HIF1A: variants seen among roughly 807,000 people sequenced by gnomAD.
HIF1A encodes hypoxia inducible factor 1 subunit alpha.
A neutral mutation model predicts 92.7 loss-of-function variants in HIF1A; 24 were observed. That is an observed-to-expected ratio of 0.26 (90% CI 0.19 to 0.36). HIF1A has a LOEUF of 0.36. Among genes scored for constraint, HIF1A ranks in the 10% least tolerant of loss-of-function variants. The pLI is 1.00. For missense variants in HIF1A, 799 were observed against 998.5 expected (o/e 0.80, Z 2.69); for synonymous variants, 319 against 338.7 (o/e 0.94, Z 0.64).
At chr14:61,741,651 G>C (rs565622362) in intron 12 of HIF1A, among the ~76,000 whole-genome samples, 3 of 152,082 alleles carry the variant, frequency 2.0e-5, no homozygotes, top group Admixed American at 6.5e-5. Context: ...TTACAGGTGT[G>C]AGCCACCATG....
At position 61,747,354 on chromosome 14, in the gene HIF1A, T is replaced by TA. The variant is rs2140164643; in HGVS notation, c.*269_*270insA. On this transcript the variant is annotated 3_prime_UTR_variant, in exon 15 of 15. Coordinates refer to ENST00000337138, the MANE Select transcript of HIF1A (RefSeq NM_001530.4). ...TAGCATCATTTTAAAAAATGCACCT[T>TA]TTTATTTATTTATTTTTGGCTAGGG... 1 of 244,606 alleles carries TA rather than the reference T, an allele frequency of 4.1e-6. No individual in the cohort carries two copies. Among genetic ancestry groups the TA allele is most frequent in the East Asian group, 7.7e-5 (1 of 13,002 alleles). 15.2% of individuals were successfully genotyped at this position (244,606 alleles called of 1,614,324 possible).
chr14:61,732,362 T>G, intron 6 of HIF1A, 56 bp from the exon 7 acceptor site: 2 of 1,151,680 alleles, frequency 1.7e-6, no homozygotes, highest in Non-Finnish European at 1.3e-6. Context: ...GGAGAAAAAT[T>G]TTTCTTTATC....
In HIF1A at chr14:61,738,361, A is replaced by G. The variant is rs2140154044; in HGVS notation, c.1524A>G (p.Gln508=). The G allele has an allele frequency of 1.2e-6, 2 of 1,604,424 alleles. No homozygotes were observed. The highest frequency in any genetic ancestry group is 1.7e-6 in the Non-Finnish European group (2 of 1,175,086). The change falls in exon 10 of 15, where the codon CAA becomes CAG. Residue 508 remains glutamine, a synonymous_variant. Transcript: ENST00000337138. ...GTCCTTCCGATGGAAGCACTAGACA[A>G]AGTTCACCTGAGGTAGGTGTCATGA... ...TPSPSDGSTR[Q]SSPEPNSPSE...
chr14:61,725,937 A>G (rs1485344117), intron 4 of HIF1A, among the ~76,000 whole-genome samples: 1 of 151,852 alleles, frequency 6.6e-6, no homozygotes, highest in African/African-American at 2.4e-5. Context: ...CCCCTGCCTC[A>G]GTCTCCCAAG....
intron 4 of HIF1A, among the ~76,000 whole-genome samples, chr14:61,725,190 T>C (rs2044488188): frequency 6.6e-6 from 1 of 152,204 alleles, no homozygotes. Flanking sequence ...CCTATCCTTC[T>C]TTAAAGCATT....
intron 8 of HIF1A, among the ~76,000 whole-genome samples, chr14:61,736,304 T>C (rs1167544249): frequency 1.3e-5 from 2 of 152,180 alleles, no homozygotes; most frequent in African/African-American, 4.8e-5. Context: ...TAACTGAAAT[T>C]AGTCAAATTA....
intron 1 of HIF1A, among the ~76,000 whole-genome samples, chr14:61,704,606 A>G (rs2044216029): frequency 6.6e-6 from 1 of 152,192 alleles, no homozygotes; most frequent in Admixed American, 6.5e-5. Context: ...TAAAATATTT[A>G]AATGGTTATA....
chr14:61,745,631 T>G (rs917914050), intron 13 of HIF1A, 60 bp from the exon 14 acceptor site: 1 of 1,430,816 alleles, frequency 7.0e-7, no homozygotes, highest in Non-Finnish European at 9.8e-7. Context: ...TTTCAAGGTT[T>G]TTGGTTGTTT....
At chr14:61,703,296 TAA>T (rs1487141907) in intron 1 of HIF1A, among the ~76,000 whole-genome samples, 2 of 152,088 alleles carry the variant, frequency 1.3e-5, no homozygotes, top group Non-Finnish European at 2.9e-5. Context: ...TTATCATCAT[TAA>T]AGTTTTAAAT....
intron 10 of HIF1A, among the ~76,000 whole-genome samples, chr14:61,738,633 A>G (rs529751191): frequency 1.3e-5 from 2 of 152,214 alleles, no homozygotes; most frequent in African/African-American, 2.4e-5. Context: ...TTGTTTCTCT[A>G]TTATTTATAT....
chr14:61,725,436 A>G (rs2044492454), intron 4 of HIF1A, among the ~76,000 whole-genome samples: 1 of 151,528 alleles, frequency 6.6e-6, no homozygotes, highest in African/African-American at 2.4e-5. Context: ...TTTTTTTGAG[A>G]CAGTGTCTCA....
intron 1 of HIF1A, among the ~76,000 whole-genome samples, chr14:61,703,292 T>G (rs1217917289): frequency 6.6e-6 from 1 of 152,202 alleles, no homozygotes; most frequent in African/African-American, 2.4e-5. Context: ...AACTTTATCA[T>G]CATTAAAGTT....
At chr14:61,695,915 G>T in intron 1 of HIF1A, 76 bp downstream of exon 1, 1 of 1,413,616 alleles carries the variant, frequency 7.1e-7, no homozygotes, top group Non-Finnish European at 9.7e-7. Flanking sequence ...CTCCTGGGCC[G>T]GCCTCGGCGT....
At chr14:61,722,861 G>A (rs2044450673) in intron 4 of HIF1A, among the ~76,000 whole-genome samples, 1 of 152,102 alleles carries the variant, frequency 6.6e-6, no homozygotes, top group African/African-American at 2.4e-5. Flanking sequence ...ACTACCTCTT[G>A]AATTAAAAAA....
chr14:61,710,789 G>A (rs755608073), intron 1 of HIF1A, among the ~76,000 whole-genome samples: 29 of 152,028 alleles, frequency 1.9e-4, no homozygotes, highest in Non-Finnish European at 3.5e-4. Flanking sequence ...GGCCAGGCGC[G>A]GTGGCTCACG....
chr14:61,737,412 A>C (rs1159900192), intron 9 of HIF1A, among the ~76,000 whole-genome samples: 1 of 152,200 alleles, frequency 6.6e-6, no homozygotes, highest in East Asian at 1.9e-4. Context: ...TCCACAGTTT[A>C]GCAGAGTTAT....
chr14:61,733,999 T>A, intron 7 of HIF1A, 139 bp from the exon 8 acceptor site: 1 of 543,214 alleles, frequency 1.8e-6, no homozygotes, highest in Non-Finnish European at 3.1e-6. Context: ...ACTGTCAGAA[T>A]GTAAGCAGTT....
chr14:61,717,341 A>G (rs2044374949), intron 1 of HIF1A, among the ~76,000 whole-genome samples: 1 of 152,238 alleles, frequency 6.6e-6, no homozygotes. Flanking sequence ...TAGAAATGTT[A>G]TAAGACCTCC....
At chr14:61,745,630 T>A (rs1271825586) in intron 13 of HIF1A, 61 bp from the exon 14 acceptor site, 6 of 1,421,016 alleles carry the variant, frequency 4.2e-6, no homozygotes, top group Admixed American at 1.8e-5. Flanking sequence ...ATTTCAAGGT[T>A]TTTGGTTGTT....
Sources: allele counts gnomAD v4.1 joint callset (sites outside exome capture counted in the v4.1 genomes callset), GRCh38; gene constraint gnomAD v4.1.1; transcripts MANE v1.5; gene names NCBI Gene and HGNC (gene_info 2026-07-23, HGNC 2026-07-21).